Variants in SDK1 observed in about 807,000 individuals in gnomAD.
SDK1 encodes the protein protein sidekick-1.
SDK1 carries 157 observed loss-of-function variants against 245.5 expected under a neutral mutation model. The observed-to-expected ratio is 0.64, with a 90% CI of 0.56 to 0.73. The LOEUF is 0.73. Among genes scored for constraint, SDK1 ranks in the 30% least tolerant of loss-of-function variants. SDK1 has a pLI of 0.00. For synonymous variants in SDK1, 1,647 were observed against 1,278.5 expected (o/e 1.29, Z -6.15); for missense variants, 3,583 against 3,002.3 (o/e 1.19, Z -4.52).
intron 13 of SDK1, among the ~76,000 whole-genome samples, chr7:3,978,827 G>A (rs1185285743): frequency 2.0e-5 from 3 of 152,178 alleles, no homozygotes; most frequent in Non-Finnish European, 2.9e-5. Flanking sequence ...GTCCTTCAGA[G>A]GAGCCTGAAA....
intron 17 of SDK1, among the ~76,000 whole-genome samples, chr7:4,046,270 G>A (rs936578314): frequency 2.0e-5 from 3 of 152,174 alleles, no homozygotes; most frequent in South Asian, 2.1e-4. Flanking sequence ...TCTTTATTGG[G>A]TATCTGTCTT....
chr7:3,588,842 G>T (rs1480519755), intron 1 of SDK1, among the ~76,000 whole-genome samples: 1 of 152,122 alleles, frequency 6.6e-6, no homozygotes, highest in African/African-American at 2.4e-5. Flanking sequence ...GGAAATAAAA[G>T]AATCAAAGCA....
chr7:3,317,021 C>T (rs1017081287), intron 1 of SDK1, among the ~76,000 whole-genome samples: 2 of 151,126 alleles, frequency 1.3e-5, no homozygotes, highest in African/African-American at 2.4e-5. Flanking sequence ...CTCTACACAA[C>T]GTACAAAAAC....
At chr7:4,005,921 G>A (rs1040463923) in intron 14 of SDK1, among the ~76,000 whole-genome samples, 1 of 151,750 alleles carries the variant, frequency 6.6e-6, no homozygotes, top group African/African-American at 2.4e-5. Context: ...GTCCCAGCCT[G>A]GGGGATGGAA....
intron 17 of SDK1, among the ~76,000 whole-genome samples, chr7:4,034,954 A>G (rs1442120722): frequency 1.2e-4 from 18 of 152,250 alleles, no homozygotes; most frequent in Admixed American, 1.2e-3. Context: ...GAAAGCATGT[A>G]AATATATTTT....
intron 41 of SDK1, among the ~76,000 whole-genome samples, chr7:4,236,698 C>G (rs1171630354): frequency 6.6e-6 from 1 of 151,984 alleles, no homozygotes; most frequent in East Asian, 1.9e-4. Flanking sequence ...GGAGGAAGAC[C>G]TCTCTTGGGT....
In SDK1 at chr7:4,154,343, C is replaced by A. The variant is rs117370093; in HGVS notation, c.4626-4105C>A. On this transcript the variant is annotated intron_variant, in intron 30 of 44. Transcript: ENST00000404826. The stretch of plus-strand genomic sequence containing the variant: ...TCAGAGAGTGAGGGTCCTGTATTAC[C>A]CAAATTATTTATTTCCTGAGTTTGG... Among the ~76,000 whole-genome samples, 1,033 of 152,196 alleles carry A rather than the reference C, an allele frequency of 6.8e-3. 6 individuals carry two copies. The highest frequency in any genetic ancestry group is 0.011 in the Non-Finnish European group (754 of 68,010).
intron 1 of SDK1, among the ~76,000 whole-genome samples, chr7:3,582,221 T>G (rs937268889): frequency 6.6e-6 from 1 of 151,192 alleles, no homozygotes; most frequent in Non-Finnish European, 1.5e-5. Flanking sequence ...CTCCCTCAGG[T>G]AGGTCTGTCT....
intron 1 of SDK1, among the ~76,000 whole-genome samples, chr7:3,513,299 A>G (rs1782640064): frequency 6.6e-6 from 1 of 152,232 alleles, no homozygotes; most frequent in Non-Finnish European, 1.5e-5. Flanking sequence ...AGAGACAGTA[A>G]TAATGACAGA....
intron 1 of SDK1, among the ~76,000 whole-genome samples, chr7:3,612,485 G>C (rs560993248): frequency 2.6e-5 from 4 of 152,234 alleles, no homozygotes; most frequent in Admixed American, 1.3e-4. Context: ...ACTGCCAGCA[G>C]CTGAAATTTG....
rs372951584 is a variant in SDK1 at position 3,486,763 on chromosome 7, T to A, written c.299-132317T>A. ...CCTATTACATTTATTTTAAAAGATT[T>A]GGAAGACTTGTATTTTTTTAATTTG... On this transcript the variant is annotated intron_variant, in intron 1 of 44. Coordinates refer to ENST00000404826, the MANE Select transcript of SDK1 (RefSeq NM_152744.4). 1.2e-4 allele frequency among the ~76,000 whole-genome samples: 18 copies of A among 152,306 alleles called. No individual in the cohort carries two copies. In the East Asian group the frequency reaches 1.5e-3, roughly 13 times the overall value.
chr7:3,905,131 A>G (rs1778853696), intron 5 of SDK1, among the ~76,000 whole-genome samples: 1 of 151,388 alleles, frequency 6.6e-6, no homozygotes, highest in African/African-American at 2.4e-5. Context: ...TTTTTTTCCA[A>G]TTCATATCCT....
At chr7:3,315,748 T>G (rs1779649776) in intron 1 of SDK1, among the ~76,000 whole-genome samples, 1 of 152,202 alleles carries the variant, frequency 6.6e-6, no homozygotes, top group South Asian at 2.1e-4. Context: ...AATGTATTAT[T>G]ACTGGATTTT....
At position 4,220,242 on chromosome 7, in the gene SDK1, A is replaced by G. The variant is rs1251700026; in HGVS notation, c.5673A>G (p.Gln1891=). 2 of 1,613,932 alleles carry G rather than the reference A, an allele frequency of 1.2e-6. No individual in the cohort carries two copies. The highest frequency in any genetic ancestry group is 1.7e-6 in the Non-Finnish European group (2 of 1,179,968). The change falls in exon 39 of 45, where the codon CAA becomes CAG. Residue 1891 remains glutamine, a synonymous_variant. Coordinates refer to ENST00000404826, the MANE Select transcript of SDK1 (RefSeq NM_152744.4). ...CCATCACCTACGGGCCCGAGCTCCA[A>G]GCCAATATCACAGCCGGGCCAGCCG... ...ARTITYGPEL[Q]ANITAGPAEG...
At position 3,832,434 on chromosome 7, in the gene SDK1, C is replaced by A. The variant is rs78689902; in HGVS notation, c.847+10851C>A. On this transcript the variant is annotated intron_variant, in intron 5 of 44. Transcript: ENST00000404826. ...ATGTTTTATTACTGTTCATTGTAAA[C>A]GATGTTCTTTTGGCTCTTGTAGAAG... 9.9e-5 allele frequency among the ~76,000 whole-genome samples: 15 copies of A among 152,158 alleles called. No homozygotes were observed. In the South Asian group the frequency reaches 3.1e-3, roughly 32 times the overall value.
chr7:3,677,730 A>G (rs1304475839), intron 4 of SDK1, among the ~76,000 whole-genome samples: 1 of 152,248 alleles, frequency 6.6e-6, no homozygotes, highest in East Asian at 1.9e-4. Flanking sequence ...TTATATCTTA[A>G]TGTGATCTTA....
At chr7:3,974,600 C>A in intron 13 of SDK1, 55 bp downstream of exon 13, 1 of 1,545,120 alleles carries the variant, frequency 6.5e-7, no homozygotes. Context: ...CGTTACTGTG[C>A]CCCTGTTAGT....
chr7:4,041,286 T>C lies in SDK1; in HGVS notation c.2603-8062T>C, dbSNP rs370220756. On this transcript the variant is annotated intron_variant, in intron 17 of 44. Coordinates refer to ENST00000404826, the MANE Select transcript of SDK1 (RefSeq NM_152744.4). Reference sequence around the variant, plus strand: ...AGGAACCACATGCATAGTTTTGTTTTACTTTTTTTTTTTTTTGGAGTACTT... The same window carrying C: ...AGGAACCACATGCATAGTTTTGTTTCACTTTTTTTTTTTTTTGGAGTACTT... Among the ~76,000 whole-genome samples, 87 of 129,442 alleles carry C rather than the reference T, an allele frequency of 6.7e-4. 1 individual carries two copies. In the East Asian group the frequency reaches 0.011, roughly 17 times the overall value. The allele number at this position is 129,442 out of a possible 152,430, so 84.9% of individuals were successfully genotyped here.
intron 4 of SDK1, among the ~76,000 whole-genome samples, chr7:3,752,646 G>C (rs573746075): frequency 1.3e-5 from 2 of 152,224 alleles, no homozygotes; most frequent in South Asian, 4.1e-4. Flanking sequence ...TCTGATACTG[G>C]ATAGTATAAT....
Sources: allele counts gnomAD v4.1 joint callset (sites outside exome capture counted in the v4.1 genomes callset), GRCh38; gene constraint gnomAD v4.1.1; transcripts MANE v1.5; gene names NCBI Gene and HGNC (gene_info 2026-07-23, HGNC 2026-07-21).